The following NCALD variants were observed in gnomAD, a reference collection of about 807,000 sequenced individuals.
NCALD encodes neurocalcin delta.
A neutral mutation model predicts 18.6 loss-of-function variants in NCALD; 10 were observed. The observed-to-expected ratio is 0.54, with a 90% CI of 0.33 to 0.91. NCALD has a LOEUF of 0.91. Ranked by LOEUF, NCALD falls within the 40% of genes least tolerant of loss-of-function variation. The pLI is 0.03. For synonymous variants in NCALD, 88 were observed against 87.4 expected (o/e 1.01, Z -0.04); for missense variants, 184 against 247.6 (o/e 0.74, Z 1.72).
In NCALD at chr8:101,808,758, A is replaced by G. The variant is rs113844886; in HGVS notation, c.-20+78383T>C. ...TGACTACCACTGTAGACCATAAGGA[A>G]GTGGGCTGTACACCCTAAAGATGGA... On this transcript the variant is annotated intron_variant, in intron 4 of 6. Coordinates refer to the NCALD transcript ENST00000311028. 5.7e-3 allele frequency among the ~76,000 whole-genome samples: 870 copies of G among 152,204 alleles called. 11 individuals are homozygous for G. The highest frequency in any genetic ancestry group is 0.018 in the African/African-American group (764 of 41,536).
chr8:101,776,548 A>T (rs1192875233), intron 1 of NCALD, among the ~76,000 whole-genome samples: 4 of 152,128 alleles, frequency 2.6e-5, no homozygotes, highest in Non-Finnish European at 5.9e-5. Flanking sequence ...AGTCGGAGGC[A>T]TTGGAGCAAG....
intron 2 of NCALD, among the ~76,000 whole-genome samples, chr8:101,920,599 C>A (rs1818126871): frequency 6.6e-6 from 1 of 152,146 alleles, no homozygotes; most frequent in Non-Finnish European, 1.5e-5. Context: ...CAGCTGGAGT[C>A]CATTATTCTA....
At chr8:102,009,397 T>C (rs1821827450) in intron 2 of NCALD, among the ~76,000 whole-genome samples, 2 of 152,360 alleles carry the variant, frequency 1.3e-5, no homozygotes, top group East Asian at 1.9e-4. Context: ...AAAGTGGACC[T>C]GCCATTTTAT....
intron 2 of NCALD, among the ~76,000 whole-genome samples, chr8:102,017,411 G>T (rs1822122670): frequency 6.6e-6 from 1 of 151,940 alleles, no homozygotes; most frequent in African/African-American, 2.4e-5. Context: ...TTCCTAAATA[G>T]TACTTAAAAC....
intron 1 of NCALD, among the ~76,000 whole-genome samples, chr8:101,757,796 C>T (rs2130812287): frequency 6.6e-6 from 1 of 152,180 alleles, no homozygotes; most frequent in Middle Eastern, 3.4e-3. Context: ...CACAGTAGGC[C>T]TTCAACAAAT....
intron 3 of NCALD, chr8:101,690,409 A>G (rs1814671441): frequency 2.0e-6 from 2 of 985,258 alleles, no homozygotes; most frequent in African/African-American, 1.7e-5. Context: ...ATTTATTTCC[A>G]TCTGCTCCTC....
chr8:101,818,980 G>A (rs1248245968), intron 4 of NCALD, among the ~76,000 whole-genome samples: 2 of 151,980 alleles, frequency 1.3e-5, no homozygotes, highest in Admixed American at 6.6e-5. Context: ...TTCCAGCCTG[G>A]GCAACAGAGT....
intron 4 of NCALD, among the ~76,000 whole-genome samples, chr8:101,797,214 C>A (rs1812669718): frequency 6.6e-6 from 1 of 152,174 alleles, no homozygotes; most frequent in Non-Finnish European, 1.5e-5. Flanking sequence ...TAACTGAGAC[C>A]TGTCTCAAAT....
intron 4 of NCALD, among the ~76,000 whole-genome samples, chr8:101,815,784 C>T (rs1033861263): frequency 1.3e-5 from 2 of 152,114 alleles, no homozygotes; most frequent in African/African-American, 4.8e-5. Context: ...CCAGCAATCA[C>T]ACTCCTTGGT....
At chr8:101,705,501 C>T (rs1375626152) in intron 2 of NCALD, among the ~76,000 whole-genome samples, 2 of 152,082 alleles carry the variant, frequency 1.3e-5, no homozygotes, top group African/African-American at 2.4e-5. Flanking sequence ...TCCAGAACCT[C>T]GCCACTGCCT....
intron 1 of NCALD, among the ~76,000 whole-genome samples, chr8:102,088,342 T>C (rs6982688): frequency 0.42 from 63,807 of 152,152 alleles, 14,415 homozygotes; most frequent in African/African-American, 0.59. Context: ...TTTCCTTTCT[T>C]AGAGTACCTG....
At chr8:101,842,147 C>T (rs957061766) in intron 4 of NCALD, among the ~76,000 whole-genome samples, 3 of 152,126 alleles carry the variant, frequency 2.0e-5, no homozygotes, top group Non-Finnish European at 4.4e-5. Context: ...CTCTCTACAT[C>T]TCTATGTCCA....
At chr8:101,963,178 T>C (rs964874717) in intron 2 of NCALD, among the ~76,000 whole-genome samples, 1 of 152,178 alleles carries the variant, frequency 6.6e-6, no homozygotes, top group African/African-American at 2.4e-5. Flanking sequence ...AAAGGAAACC[T>C]CTTTTCAAGT....
chr8:102,010,033 T>C (rs1821850689), intron 2 of NCALD, among the ~76,000 whole-genome samples: 1 of 152,146 alleles, frequency 6.6e-6, no homozygotes, highest in African/African-American at 2.4e-5. Flanking sequence ...ACAGTGGGTG[T>C]TGTGGAGTCC....
rs1250812833 is a variant in NCALD at position 102,107,233 on chromosome 8, TATATATAC to T, written c.-210+16996_-210+17003del. On this transcript the variant is annotated intron_variant, in intron 1 of 6. Transcript: ENST00000311028. ...ATATATATATATATATATATATATA[TATATATAC>T]ACATAGAAATATTCTTCAAATCTGT... 3.0e-3 allele frequency among the ~76,000 whole-genome samples: 354 copies of T among 119,610 alleles called. 2 individuals carry two copies. The Middle Eastern group carries it at 0.03, about 10-fold the overall frequency. The allele number at this position is 119,610 out of a possible 152,430, so 78.5% of individuals were successfully genotyped here. A position where few individuals can be genotyped will look rare whatever the true frequency, so the allele number is the denominator to read the frequency against.
Position 101,967,436 on chromosome 8 carries a change from T to C in NCALD, c.-156-51578A>G, listed in dbSNP as rs567709121. ...CTTTTGGTAAAGATGCCTTACTTCC[T>C]GAGAAACCCTTGTTCGGAAGGGACA... is the stretch of plus-strand genomic sequence containing the variant. On this transcript the variant is annotated intron_variant, in intron 2 of 6. Coordinates refer to the NCALD transcript ENST00000311028. Among the ~76,000 whole-genome samples, 3 of 152,300 alleles carry C rather than the reference T, an allele frequency of 2.0e-5. No individual in the cohort carries two copies. The South Asian group carries it at 6.2e-4, about 32-fold the overall frequency.
chr8:101,723,489 T>A (rs1217587742), intron 1 of NCALD, among the ~76,000 whole-genome samples: 2 of 152,198 alleles, frequency 1.3e-5, no homozygotes, highest in Admixed American at 1.3e-4. Context: ...GAACTTACAC[T>A]CTCCTATACT....
chr8:101,853,558 G>A (rs1430965296), intron 4 of NCALD, among the ~76,000 whole-genome samples: 46 of 152,062 alleles, frequency 3.0e-4, no homozygotes, highest in Admixed American at 3.0e-3. Context: ...CACAAGACCT[G>A]GGCAATTTTG....
At chr8:101,806,557 G>A (rs1813109405) in intron 4 of NCALD, among the ~76,000 whole-genome samples, 1 of 152,014 alleles carries the variant, frequency 6.6e-6, no homozygotes, top group South Asian at 2.1e-4. Context: ...TTTAAAAGTA[G>A]AATAACTGAA....
Sources: gnomAD v4.1 joint callset for allele counts (sites outside exome capture counted in the v4.1 genomes callset) on GRCh38, gnomAD v4.1.1 for gene constraint, MANE v1.5 for transcripts, NCBI Gene and HGNC (gene_info 2026-07-23, HGNC 2026-07-21) for gene names.